Variants in SLC33A1 observed in about 807,000 individuals in gnomAD.
SLC33A1 encodes acetyl-coenzyme A transporter 1.
A neutral mutation model predicts 50.0 loss-of-function variants in SLC33A1; 20 were observed. The ratio of observed to expected loss-of-function variants is 0.40; its 90% CI spans 0.28 to 0.58. The LOEUF (loss-of-function observed/expected upper bound fraction) is 0.58. Ranked by LOEUF, SLC33A1 falls within the 20% of genes least tolerant of loss-of-function variation. The pLI is 0.44. For synonymous variants in SLC33A1, 265 were observed against 251.8 expected, an observed-to-expected ratio of 1.05 and a Z score of -0.50; for missense variants, 476 against 657.0, an observed-to-expected ratio of 0.72 and a Z score of 3.01.
rs1752171499 is a variant in SLC33A1 at position 155,825,070 on chromosome 3, A to G, written c.*3140T>C. The G allele has an allele frequency of 6.6e-6, 1 of 152,146 alleles. No individual in the cohort carries two copies. The highest frequency in any genetic ancestry group is 1.5e-5 in the Non-Finnish European group (1 of 68,030). 9.4% of individuals were successfully genotyped at this position (152,146 alleles called of 1,614,324 possible). On this transcript the variant is annotated 3_prime_UTR_variant, in exon 6 of 6. Transcript: ENST00000643144. ...GGAAAATATAGCGGACCCCACCTCT[A>G]TAAAAAATTATTATTTTTTATTAGC...
intron 1 of SLC33A1, among the ~76,000 whole-genome samples, chr3:155,845,604 A>G (rs1753137444): frequency 6.6e-6 from 1 of 152,236 alleles, no homozygotes; most frequent in African/African-American, 2.4e-5. Flanking sequence ...TCTCTCGCAC[A>G]TGCAGAAGAA....
intron 2 of SLC33A1, among the ~76,000 whole-genome samples, chr3:155,839,583 C>A (rs1295393011): frequency 6.6e-6 from 1 of 151,864 alleles, no homozygotes; most frequent in Non-Finnish European, 1.5e-5. Flanking sequence ...ATATGTAATG[C>A]TATAGAAATG....
rs749048114 is a variant in SLC33A1 at position 155,833,951 on chromosome 3, T to A, written c.1054A>T (p.Met352Leu). The A allele has an allele frequency of 6.2e-7, 1 of 1,613,752 alleles. No homozygotes were observed. The highest frequency in any genetic ancestry group is 8.5e-7 in the Non-Finnish European group (1 of 1,179,654). Residue 352 changes from methionine (M) to leucine (L), a missense_variant, in exon 3 of 6, where the codon ATG (methionine) becomes TTG (leucine). Physicochemically the swap from Met to Leu is conservative, Grantham distance 15. Coordinates refer to ENST00000643144, the MANE Select transcript of SLC33A1 (RefSeq NM_004733.4). ...KEHLALLAVP[M>L]VPLQIILPLI... Reference sequence around the variant, plus strand: ...GGCAGTATTATCTGCAAAGGAACCATTGGAACTGCCAATAAGGCTAAATGT... The same window carrying A: ...GGCAGTATTATCTGCAAAGGAACCAATGGAACTGCCAATAAGGCTAAATGT...
chr3:155,824,952 T>A lies in SLC33A1; in HGVS notation c.*3258A>T, dbSNP rs912838483. The A allele has an allele frequency of 6.6e-6, 1 of 152,204 alleles. No individual in the cohort carries two copies. The highest frequency in any genetic ancestry group is 1.5e-5 in the Non-Finnish European group (1 of 68,036). 9.4% of individuals were successfully genotyped at this position (152,204 alleles called of 1,614,324 possible). ...TCAGGCAAAATTAAAATATTTATCATGGGCAGGGCACGGTGGCTTACACCT... is the reference window on the plus strand; with the variant it reads ...TCAGGCAAAATTAAAATATTTATCAAGGGCAGGGCACGGTGGCTTACACCT... On this transcript the variant is annotated 3_prime_UTR_variant, in exon 6 of 6. Coordinates refer to ENST00000643144, the MANE Select transcript of SLC33A1 (RefSeq NM_004733.4).
Position 155,849,414 on chromosome 3 carries a change from A to G in SLC33A1, c.775+3809T>C, listed in dbSNP as rs2108005026. ...CTATTAATAAGTTCCAGAAAGAACA[A>G]TGTTATAAATGTGGTATGTTCAGTC... is the stretch of plus-strand genomic sequence containing the variant. On this transcript the variant is annotated intron_variant, in intron 1 of 5. Transcript: ENST00000643144. Among the ~76,000 whole-genome samples, 3 of 152,240 alleles carry G rather than the reference A, an allele frequency of 2.0e-5. No individual in the cohort carries two copies. In the East Asian group the frequency reaches 5.8e-4, roughly 29 times the overall value.
rs1198585213 is a variant in SLC33A1, at chr3:155,839,373, C to CAAAAAA, written c.963+3053_963+3058dup. Among the ~76,000 whole-genome samples the CAAAAAA allele has an allele frequency of 4.9e-4, 9 of 18,300 alleles. 2 individuals carry two copies. Among genetic ancestry groups the CAAAAAA allele is most frequent in the African/African-American group, 1.8e-3 (9 of 5,042 alleles). The allele number at this position is 18,300 out of a possible 152,430, so 12.0% of individuals were successfully genotyped here. A position where few individuals can be genotyped will look rare whatever the true frequency, so the allele number is the denominator to read the frequency against. On this transcript the variant is annotated intron_variant, in intron 2 of 5. Coordinates refer to ENST00000643144, the MANE Select transcript of SLC33A1 (RefSeq NM_004733.4). ...TGGGCAACAAAGCGAGACTCTGTCT[C>CAAAAAA]AAAAAAAAAAAAAAAAAAAAAAAAA...
In SLC33A1 at chr3:155,853,524, T is replaced by C. The variant is rs1268033743; in HGVS notation, c.474A>G (p.Leu158=). The C allele has an allele frequency of 2.5e-6, 4 of 1,614,018 alleles. No homozygotes were observed. The highest frequency in any genetic ancestry group is 2.5e-6 in the Non-Finnish European group (3 of 1,179,982). Residue 158 remains leucine (L), a synonymous_variant, in exon 1 of 6, where the codon TTA becomes TTG. Transcript: ENST00000643144. ...CAAGCAAACGGTCCACCTGAGTGGA[T>C]AAATAGATCATGAAGAGTCCTAGTA... ...QYILGLFMIY[L]STQVDRLLGN... is the part of the protein sequence containing the mutation.
chr3:155,842,523 G>A lies in SLC33A1; in HGVS notation c.872C>T (p.Thr291Ile), dbSNP rs1752973579. 6.2e-7 allele frequency: 1 copy of A among 1,609,624 alleles called. No homozygotes were observed. Among genetic ancestry groups the A allele is most frequent in the Non-Finnish European group, 8.5e-7 (1 of 1,176,980 alleles). Reference protein sequence around the residue: ...ENEVSVVKEETQGITDTYKLL... With the variant: ...ENEVSVVKEEIQGITDTYKLL... ...CTTGTAAGTATCTGTGATCCCTTGT[G>A]TTTCTTCTTTTACTACTGATACTTC... The change falls in exon 2 of 6, where the codon ACA (threonine) becomes ATA (isoleucine). Residue 291 changes from threonine to isoleucine, a missense_variant. Physicochemically the swap from Thr to Ile is moderately conservative, Grantham distance 89. Coordinates refer to ENST00000643144, the MANE Select transcript of SLC33A1 (RefSeq NM_004733.4).
intron 1 of SLC33A1, among the ~76,000 whole-genome samples, chr3:155,851,913 G>A: frequency 6.6e-6 from 1 of 152,178 alleles, no homozygotes; most frequent in African/African-American, 2.4e-5. Context: ...GAATAAGATT[G>A]CAGGAAAATA....
chr3:155,835,588 T>C (rs1752621848), intron 2 of SLC33A1, among the ~76,000 whole-genome samples: 1 of 152,162 alleles, frequency 6.6e-6, no homozygotes, highest in African/African-American at 2.4e-5. Flanking sequence ...CTCTTTTTTG[T>C]TAGCATGTGT....
At position 155,839,055 on chromosome 3, in the gene SLC33A1, G is replaced by A. The variant is rs1027169870; in HGVS notation, c.963+3377C>T. ...TGTAATCCCAGCACTTTGGGAGGCC[G>A]AGACGGGCAGATCACCTGAAGTCGG... On this transcript the variant is annotated intron_variant, in intron 2 of 5. Coordinates refer to ENST00000643144, the MANE Select transcript of SLC33A1 (RefSeq NM_004733.4). Among the ~76,000 whole-genome samples, 20 of 151,912 alleles carry A rather than the reference G, an allele frequency of 1.3e-4. No individual in the cohort carries two copies. The East Asian group carries it at 3.1e-3, about 24-fold the overall frequency.
At chr3:155,833,414 T>G in intron 4 of SLC33A1, 54 bp downstream of exon 4, 1 of 872,338 alleles carries the variant, frequency 1.1e-6, no homozygotes, top group East Asian at 2.4e-5. Flanking sequence ...GAAAGCTGTC[T>G]TCCTTATTTT....
intron 4 of SLC33A1, among the ~76,000 whole-genome samples, chr3:155,830,216 A>T (rs1752365217): frequency 6.6e-6 from 1 of 151,316 alleles, no homozygotes; most frequent in South Asian, 2.1e-4. Flanking sequence ...TACAAAAAAA[A>T]AAAAAAAATA....
rs1316942046 is a variant in SLC33A1, at chr3:155,853,421, G to C, written c.577C>G (p.Gln193Glu). The change falls in exon 1 of 6, where the codon CAG (glutamine) becomes GAG (glutamate). Residue 193 changes from glutamine (Q) to glutamate (E), a missense_variant. Coordinates refer to ENST00000643144, the MANE Select transcript of SLC33A1 (RefSeq NM_004733.4). ...GCCCAACCATCGACGGCAATGTCCT[G>C]AGTGGCGGCCAAGAATTCAAACAAA... Reference protein sequence around the residue: ...FFLFEFLAATQDIAVDGWALT... With the variant: ...FFLFEFLAATEDIAVDGWALT... 2 of 1,614,080 alleles carry C rather than the reference G, an allele frequency of 1.2e-6. No homozygotes were observed. Among genetic ancestry groups the C allele is most frequent in the South Asian group, 2.2e-5 (2 of 91,084 alleles).
chr3:155,843,701 C>T (rs1454054891), intron 1 of SLC33A1, among the ~76,000 whole-genome samples: 1 of 152,170 alleles, frequency 6.6e-6, no homozygotes, highest in Non-Finnish European at 1.5e-5. Context: ...CTTTACTTCA[C>T]CAGCCCAAAT....
At chr3:155,830,339 C>G (rs1485866403) in intron 4 of SLC33A1, among the ~76,000 whole-genome samples, 2 of 151,714 alleles carry the variant, frequency 1.3e-5, no homozygotes. Flanking sequence ...CACCACTGCA[C>G]TCCAGCCTGG....
chr3:155,851,393 G>T (rs925995229), intron 1 of SLC33A1, among the ~76,000 whole-genome samples: 1 of 143,208 alleles, frequency 7.0e-6, no homozygotes, highest in South Asian at 2.3e-4. Flanking sequence ...ACAGGCCTTC[G>T]CAAAACACCC....
chr3:155,832,374 G>A, intron 4 of SLC33A1, among the ~76,000 whole-genome samples: 1 of 150,516 alleles, frequency 6.6e-6, no homozygotes, highest in East Asian at 1.9e-4. Context: ...ACAAAACTCT[G>A]TCTCAAAAAA....
chr3:155,834,208 A>C (rs564889753), intron 2 of SLC33A1, among the ~76,000 whole-genome samples, 167 bp from the exon 3 acceptor site: 1 of 152,208 alleles, frequency 6.6e-6, no homozygotes, highest in African/African-American at 2.4e-5. Flanking sequence ...TACGAGGTAC[A>C]TTTTGCCTTA....
Sources: gnomAD v4.1 joint callset for allele counts (sites outside exome capture counted in the v4.1 genomes callset) on GRCh38, gnomAD v4.1.1 for gene constraint, MANE v1.5 for transcripts, NCBI Gene and HGNC (gene_info 2026-07-23, HGNC 2026-07-21) for gene names.